Variants in GAS2 observed in about 807,000 individuals in gnomAD.
The protein encoded by GAS2 is growth arrest specific 2.
GAS2 carries 20 observed loss-of-function variants against 37.5 expected under a neutral mutation model. That is an observed-to-expected ratio of 0.53 (90% CI 0.37 to 0.77). The LOEUF (loss-of-function observed/expected upper bound fraction) is 0.77, where lower values mean the gene tolerates loss of function less well. Among genes scored for constraint, GAS2 ranks in the 30% least tolerant of loss-of-function variants. The probability of loss-of-function intolerance (pLI) is 0.00; values close to 1 mark genes in which losing one functional copy is unlikely to be tolerated. For synonymous variants in GAS2, 144 were observed against 132.2 expected, an observed-to-expected ratio of 1.09 and a Z score of -0.61; for missense variants, 336 against 373.4, an observed-to-expected ratio of 0.90 and a Z score of 0.82.
chr11:22,766,315 A>G (rs1443680989), intron 7 of GAS2, among the ~76,000 whole-genome samples: 4 of 151,924 alleles, frequency 2.6e-5, no homozygotes, highest in Non-Finnish European at 4.4e-5. Context: ...CAATAAGGAA[A>G]TTAAGTGTTA....
chr11:22,727,636 CAG>C (rs761978827), intron 4 of GAS2, among the ~76,000 whole-genome samples: 1 of 151,910 alleles, frequency 6.6e-6, no homozygotes, highest in Non-Finnish European at 1.5e-5. Flanking sequence ...AAAAAGGAAA[CAG>C]AATGATCTCA....
chr11:22,781,043 G>A (rs1855533833), intron 7 of GAS2, among the ~76,000 whole-genome samples: 1 of 152,174 alleles, frequency 6.6e-6, no homozygotes, highest in South Asian at 2.1e-4. Flanking sequence ...CCCCAGACTA[G>A]ATAGATTAAG....
rs1031136101 is a variant in GAS2, at chr11:22,810,694, G to A, written c.724-1104G>A. Among the ~76,000 whole-genome samples the A allele has an allele frequency of 5.8e-4, 88 of 152,052 alleles. 1 individual carries two copies. The highest frequency in any genetic ancestry group is 1.5e-3 in the African/African-American group (63 of 41,392). On this transcript the variant is annotated intron_variant, in intron 7 of 7. Transcript: ENST00000454584. ...TCTGTGAAACCCCCAAATACACATG[G>A]AGAAATTTTAGATACAGGCATATAG... is the stretch of plus-strand genomic sequence containing the variant.
intron 1 of GAS2, among the ~76,000 whole-genome samples, chr11:22,629,585 G>T (rs754308765): frequency 9.9e-5 from 15 of 152,012 alleles, no homozygotes; most frequent in Non-Finnish European, 1.8e-4. Context: ...TCATACATTT[G>T]TTGGCCATTT....
chr11:22,789,447 T>A (rs1182228717), intron 7 of GAS2, among the ~76,000 whole-genome samples: 13 of 100,180 alleles, frequency 1.3e-4, no homozygotes, highest in Admixed American at 2.3e-4. Context: ...TATATATATA[T>A]ATATATATTC....
chr11:22,648,244 C>T (rs1405856109), intron 1 of GAS2, among the ~76,000 whole-genome samples: 1 of 151,828 alleles, frequency 6.6e-6, no homozygotes, highest in East Asian at 1.9e-4. Flanking sequence ...AGATATGCGG[C>T]GTTATTTCTG....
chr11:22,790,424 C>A (rs1460341226), intron 7 of GAS2, among the ~76,000 whole-genome samples: 1 of 152,210 alleles, frequency 6.6e-6, no homozygotes, highest in African/African-American at 2.4e-5. Context: ...TTCTGTCCCT[C>A]TGCACCTGAT....
At chr11:22,797,581 C>T (rs1179365099) in intron 7 of GAS2, among the ~76,000 whole-genome samples, 2 of 152,206 alleles carry the variant, frequency 1.3e-5, no homozygotes, top group East Asian at 3.9e-4. Flanking sequence ...CATCAGAAGA[C>T]TAGTGCACTG....
chr11:22,769,605 A>G (rs1162283345), intron 7 of GAS2, among the ~76,000 whole-genome samples: 3 of 152,240 alleles, frequency 2.0e-5, no homozygotes, highest in East Asian at 1.9e-4. Flanking sequence ...CTATAATACT[A>G]TCTAATCATG....
At chr11:22,715,125 A>G (rs1851601242) in intron 3 of GAS2, among the ~76,000 whole-genome samples, 1 of 152,224 alleles carries the variant, frequency 6.6e-6, no homozygotes, top group Non-Finnish European at 1.5e-5. Context: ...TAATGAGATT[A>G]ACCAAGAAAA....
chr11:22,769,855 A>G (rs984867980), intron 7 of GAS2, among the ~76,000 whole-genome samples: 1 of 152,260 alleles, frequency 6.6e-6, no homozygotes, highest in African/African-American at 2.4e-5. Flanking sequence ...AGAGTAGAAA[A>G]GAGTGTCTCC....
chr11:22,752,596 A>G (rs1398176636), intron 6 of GAS2, among the ~76,000 whole-genome samples: 1 of 151,950 alleles, frequency 6.6e-6, no homozygotes, highest in Non-Finnish European at 1.5e-5. Flanking sequence ...TTAGTTAATA[A>G]TATTGGCTAA....
At chr11:22,675,168 A>G (rs1385632207) in intron 2 of GAS2, among the ~76,000 whole-genome samples, 154 bp downstream of exon 2, 1 of 152,236 alleles carries the variant, frequency 6.6e-6, no homozygotes, top group Admixed American at 6.5e-5. Flanking sequence ...AAGCAGGTGG[A>G]AAATTTAAGT....
intron 3 of GAS2, among the ~76,000 whole-genome samples, chr11:22,715,889 A>T (rs993020452): frequency 1.5e-4 from 22 of 147,384 alleles, no homozygotes; most frequent in African/African-American, 5.6e-4. Context: ...AGAACATAAC[A>T]AAAAAAAAGA....
intron 5 of GAS2, among the ~76,000 whole-genome samples, chr11:22,748,084 A>AT (rs1853509691): frequency 6.6e-6 from 1 of 152,244 alleles, no homozygotes; most frequent in East Asian, 1.9e-4. Context: ...TACTTTGTAT[A>AT]TTTTTTAAAA....
intron 1 of GAS2, among the ~76,000 whole-genome samples, chr11:22,648,061 A>C (rs1313135192): frequency 1.3e-5 from 2 of 152,176 alleles, no homozygotes; most frequent in African/African-American, 2.4e-5. Context: ...TTTTAGGTCT[A>C]ACGTTTAAGT....
chr11:22,735,224 C>CTTTTTTTTTTTTT (rs397750049), intron 4 of GAS2, among the ~76,000 whole-genome samples: 4 of 109,196 alleles, frequency 3.7e-5, no homozygotes, highest in Non-Finnish European at 7.1e-5. Context: ...ACCAATCATT[C>CTTTTTTTTTTTTT]TTTTTTTTTT....
At chr11:22,673,443 A>G (rs536951858) in intron 1 of GAS2, among the ~76,000 whole-genome samples, 1 of 152,306 alleles carries the variant, frequency 6.6e-6, no homozygotes, top group East Asian at 1.9e-4. Context: ...CCTCTTGCCT[A>G]TTGCAAGTAT....
At chr11:22,742,821 A>G (rs577227630) in intron 5 of GAS2, among the ~76,000 whole-genome samples, 1 of 152,132 alleles carries the variant, frequency 6.6e-6, no homozygotes, top group Non-Finnish European at 1.5e-5. Flanking sequence ...AAATTTAAAA[A>G]TTATGCAATC....
Sources: gnomAD v4.1 joint callset for allele counts (sites outside exome capture counted in the v4.1 genomes callset) on GRCh38, gnomAD v4.1.1 for gene constraint, MANE v1.5 for transcripts, NCBI Gene and HGNC (gene_info 2026-07-23, HGNC 2026-07-21) for gene names.